KSR1: variants seen among roughly 807,000 people sequenced by gnomAD.
KSR1 encodes kinase suppressor of ras 1.
In KSR1, 35 loss-of-function variants were observed where a neutral mutation model predicts 92.9. The ratio of observed to expected loss-of-function variants is 0.38; its 90% CI spans 0.29 to 0.50. The LOEUF is 0.50. Ranked by LOEUF, KSR1 falls within the 20% of genes least tolerant of loss-of-function variation. The probability of loss-of-function intolerance (pLI) is 0.94; values close to 1 mark genes in which losing one functional copy is unlikely to be tolerated. For synonymous variants in KSR1, 467 were observed against 472.6 expected (o/e 0.99, Z 0.15); for missense variants, 972 against 1,158.5 (o/e 0.84, Z 2.34).
Position 27,456,711 on chromosome 17 carries a change from C to T in KSR1, c.68C>T (p.Ala23Val). Residue 23 changes from alanine to valine, a missense_variant, in exon 1 of 21, where the codon GCG becomes GTG. By Grantham distance (64) the Ala-to-Val change is moderately conservative. This residue lies in a region of KSR1 where 36 missense variants were observed against 16.0 expected (regional missense o/e 2.25). Transcript: ENST00000644974. The stretch of plus-strand genomic sequence containing the variant: ...AAGGAGGGCGGTGGCGGGGGGGATG[C>T]GGCGGCCGCGGAGGGAGGCGCAGGG... ...EKKEGGGGGD[A>V]AAAEGGAGAA... is the part of the protein sequence containing the mutation. The T allele has an allele frequency of 2.3e-6, 2 of 851,172 alleles. No individual in the cohort carries two copies. Among genetic ancestry groups the T allele is most frequent in the Non-Finnish European group, 3.8e-6 (2 of 529,930 alleles). 52.7% of individuals were successfully genotyped at this position (851,172 alleles called of 1,614,324 possible).
intron 9 of KSR1, among the ~76,000 whole-genome samples, chr17:27,593,350 G>A (rs112455068): frequency 6.6e-6 from 1 of 152,266 alleles, no homozygotes; most frequent in Non-Finnish European, 1.5e-5. Flanking sequence ...CTGGCTGGCT[G>A]CTGGGTGCAG....
At chr17:27,566,967 A>C (rs867716472) in intron 2 of KSR1, among the ~76,000 whole-genome samples, 1 of 152,098 alleles carries the variant, frequency 6.6e-6, no homozygotes, top group African/African-American at 2.4e-5. Flanking sequence ...ATGGTTATAG[A>C]GACTGTGAGT....
intron 1 of KSR1, among the ~76,000 whole-genome samples, chr17:27,508,247 A>T (rs1032398139): frequency 6.6e-6 from 1 of 152,174 alleles, no homozygotes; most frequent in Non-Finnish European, 1.5e-5. Flanking sequence ...GAATGTGTCT[A>T]ACTGGACAGA....
chr17:27,591,909 C>G (rs1393204400), intron 7 of KSR1, among the ~76,000 whole-genome samples: 1 of 152,248 alleles, frequency 6.6e-6, no homozygotes, highest in African/African-American at 2.4e-5. Flanking sequence ...GGCTGACCCT[C>G]AGACCTCACG....
intron 1 of KSR1, among the ~76,000 whole-genome samples, chr17:27,485,231 A>T (rs564874656): frequency 6.6e-6 from 1 of 152,336 alleles, no homozygotes; most frequent in African/African-American, 2.4e-5. Context: ...TCAGCCTGGC[A>T]TGGTGTCCAC....
intron 16 of KSR1, chr17:27,609,775 G>A (rs2073864026): frequency 1.1e-5 from 4 of 373,388 alleles, no homozygotes; most frequent in Non-Finnish European, 2.0e-5. Flanking sequence ...CCTGGTTAGA[G>A]AGGCGCCTCA....
At chr17:27,603,715 T>C in intron 11 of KSR1, 119 bp from the exon 12 acceptor site, 1 of 983,438 alleles carries the variant, frequency 1.0e-6, no homozygotes, top group Non-Finnish European at 1.6e-6. Flanking sequence ...CTGGGGAACA[T>C]GTGGCAGTCC....
At chr17:27,475,857 T>C (rs898823533) in intron 1 of KSR1, among the ~76,000 whole-genome samples, 23 of 152,150 alleles carry the variant, frequency 1.5e-4, no homozygotes, top group African/African-American at 4.8e-4. Context: ...GGTAAGAACA[T>C]GAGCATATTC....
intron 11 of KSR1, 72 bp downstream of exon 11, chr17:27,601,473 C>T (rs375774928): frequency 2.4e-4 from 311 of 1,320,114 alleles, no homozygotes; most frequent in African/African-American, 1.7e-3. Flanking sequence ...CTGGGCAGGG[C>T]GCCCTCTCTC....
At chr17:27,610,518 T>C (rs1036961973) in intron 17 of KSR1, among the ~76,000 whole-genome samples, 1 of 152,204 alleles carries the variant, frequency 6.6e-6, no homozygotes, top group Non-Finnish European at 1.5e-5. Context: ...GGGAGGATGC[T>C]CACCAGAGCT....
intron 1 of KSR1, chr17:27,465,641 A>T (rs1463102598): frequency 6.6e-6 from 1 of 152,240 alleles, no homozygotes; most frequent in African/African-American, 2.4e-5. Flanking sequence ...ATAATTTTTC[A>T]TACAGCATTA....
intron 2 of KSR1, among the ~76,000 whole-genome samples, chr17:27,567,981 C>T (rs973550132): frequency 5.3e-5 from 8 of 152,218 alleles, no homozygotes; most frequent in Admixed American, 1.3e-4. Context: ...TGGCCCCTTT[C>T]GTGCCCCTAG....
intron 1 of KSR1, among the ~76,000 whole-genome samples, chr17:27,544,744 T>C (rs1165033804): frequency 6.6e-6 from 1 of 152,190 alleles, no homozygotes; most frequent in Non-Finnish European, 1.5e-5. Flanking sequence ...TCTTGCGGTT[T>C]TGTGGTTAAG....
At chr17:27,621,766 C>T (rs1312227992) in intron 20 of KSR1, among the ~76,000 whole-genome samples, 2 of 152,138 alleles carry the variant, frequency 1.3e-5, no homozygotes, top group Non-Finnish European at 2.9e-5. Flanking sequence ...GCATGCAGTG[C>T]AGCCAAGCCT....
intron 1 of KSR1, among the ~76,000 whole-genome samples, chr17:27,519,411 A>G (rs1435439699): frequency 1.3e-5 from 2 of 152,064 alleles, no homozygotes; most frequent in Non-Finnish European, 2.9e-5. Flanking sequence ...TAGTTCAGCA[A>G]TACTCCTCCC....
At chr17:27,601,286 G>A in intron 10 of KSR1, 74 bp from the exon 11 acceptor site, 1 of 1,332,686 alleles carries the variant, frequency 7.5e-7, no homozygotes. Context: ...TCCCAAGCCG[G>A]TACCTGCAAT....
At chr17:27,476,237 A>G (rs1234308685) in intron 1 of KSR1, among the ~76,000 whole-genome samples, 1 of 152,214 alleles carries the variant, frequency 6.6e-6, no homozygotes, top group Non-Finnish European at 1.5e-5. Context: ...GAAGTGGTGC[A>G]AAATTCAAAC....
At chr17:27,611,781 T>C (rs1251556387) in intron 18 of KSR1, among the ~76,000 whole-genome samples, 152 bp downstream of exon 18, 2 of 152,042 alleles carry the variant, frequency 1.3e-5, no homozygotes, top group East Asian at 3.9e-4. Context: ...ATGATATGCA[T>C]TGCCCGGGAA....
intron 1 of KSR1, among the ~76,000 whole-genome samples, chr17:27,485,608 A>G (rs901132876): frequency 7.2e-5 from 11 of 152,352 alleles, no homozygotes; most frequent in African/African-American, 2.4e-4. Context: ...GTCCACCATC[A>G]GTGCCTAATA....
Sources: gnomAD v4.1 joint callset for allele counts (sites outside exome capture counted in the v4.1 genomes callset) on GRCh38, gnomAD v4.1.1 for gene constraint, gnomAD v4.1.1 regional missense constraint, MANE v1.5 for transcripts, NCBI Gene and HGNC (gene_info 2026-07-23, HGNC 2026-07-21) for gene names.